The following MYO18A variants were observed in gnomAD, a reference collection of about 807,000 sequenced individuals.
MYO18A encodes the protein unconventional myosin-XVIIIa.
Under a neutral mutation model 235.8 loss-of-function variants are expected in MYO18A, and 78 were observed. That is an observed-to-expected ratio of 0.33 (90% CI 0.28 to 0.40). The LOEUF is 0.40. Among genes scored for constraint, MYO18A ranks in the 10% least tolerant of loss-of-function variants. The pLI is 1.00. For synonymous variants in MYO18A, 977 were observed against 1,077.8 expected (o/e 0.91, Z 1.83); for missense variants, 2,215 against 2,699.3 (o/e 0.82, Z 3.98).
In MYO18A at chr17:29,110,008, C is replaced by G; in HGVS notation, c.3181G>C (p.Ala1061Pro). ...CTGCTGCTGACTCGGCGGGAGGAGG[C>G]GGAACGGGGCTCCCCAGCCCAGCCC... Reference protein sequence around the residue: ...AEGWAGEPRSASSRRVSSSSE... With the variant: ...AEGWAGEPRSPSSRRVSSSSE... Residue 1061 changes from alanine to proline, a missense_variant, in exon 19 of 42, where the codon GCC becomes CCC. By Grantham distance (27) the Ala-to-Pro change is conservative (BLOSUM62 -1). Transcript: ENST00000527372. 9.9e-6 allele frequency: 16 copies of G among 1,612,346 alleles called. No individual in the cohort carries two copies. The highest frequency in any genetic ancestry group is 1.4e-5 in the Non-Finnish European group (16 of 1,179,494).
At chr17:29,124,707 GGA>G (rs756058421) in intron 2 of MYO18A, 65 of 1,279,222 alleles carry the variant, frequency 5.1e-5, no homozygotes, top group Admixed American at 1.2e-4. Flanking sequence ...AGCAAGCAAA[GGA>G]GAGAGAGAGA....
chr17:29,074,015 G>A lies in MYO18A; in HGVS notation c.*755C>T, dbSNP rs763777919. 3 of 1,614,122 alleles carry A rather than the reference G, an allele frequency of 1.9e-6. No individual in the cohort carries two copies. Among genetic ancestry groups the A allele is most frequent in the Non-Finnish European group, 2.5e-6 (3 of 1,180,024 alleles). ...ACGCTGAGACAAAGAGGGTGGGGTG[G>A]GGGCTGGAGGTGCGGATGGTCCACA... On this transcript the variant is annotated 3_prime_UTR_variant, in exon 42 of 42. Transcript: ENST00000527372. This position sits in a 1 kb window ranked among gnomAD's most constrained non-coding sequence, Gnocchi z 4.4.
rs930673375 is a variant in MYO18A, at chr17:29,111,500, C to T, written c.2824G>A (p.Val942Met). 6 of 1,613,202 alleles carry T rather than the reference C, an allele frequency of 3.7e-6. No individual in the cohort carries two copies. The highest frequency in any genetic ancestry group is 1.1e-5 in the South Asian group (1 of 90,886). ...SHGTNWVEYN[V>M]TGWLNYTKQN... ...TTGGTGTAGTTCAGCCAGCCAGTCA[C>T]ATTGTACTCTACCCAGTTGGTGCCA... Residue 942 changes from valine (V) to methionine (M), a missense_variant, in exon 17 of 42, where the codon GTG (valine) becomes ATG (methionine). Transcript: ENST00000527372. This position sits in a 1 kb window ranked among gnomAD's most constrained non-coding sequence, Gnocchi z 5.1.
At chr17:29,082,238 C>G in intron 41 of MYO18A, 78 bp downstream of exon 41, 2 of 1,588,132 alleles carry the variant, frequency 1.3e-6, no homozygotes, top group East Asian at 4.5e-5. Context: ...GGCCTGCCCT[C>G]ATGGGATCCA....
chr17:29,122,490 C>G (rs575006382), intron 2 of MYO18A, among the ~76,000 whole-genome samples: 1 of 152,266 alleles, frequency 6.6e-6, no homozygotes, highest in South Asian at 2.1e-4. Flanking sequence ...GGCTAGAGAC[C>G]GTACCATCAG....
intron 2 of MYO18A, among the ~76,000 whole-genome samples, chr17:29,123,001 G>A (rs185977051): frequency 3.9e-4 from 59 of 152,360 alleles, no homozygotes; most frequent in African/African-American, 1.3e-3. Context: ...GGGGGTAGGG[G>A]CAGCCCTGCC....
At chr17:29,108,637 A>T (rs951731262) in intron 19 of MYO18A, among the ~76,000 whole-genome samples, 1 of 152,224 alleles carries the variant, frequency 6.6e-6, no homozygotes, top group Non-Finnish European at 1.5e-5. Context: ...TGGCTCTGGG[A>T]AACCCTCCAG....
At chr17:29,082,542 G>A (rs2066147043) in intron 40 of MYO18A, 104 bp from the exon 41 acceptor site, 1 of 1,227,636 alleles carries the variant, frequency 8.1e-7, no homozygotes, top group African/African-American at 1.5e-5. Flanking sequence ...GGGGATGTGG[G>A]CAGCATGCAC....
intron 1 of MYO18A, among the ~76,000 whole-genome samples, chr17:29,170,876 A>G (rs551949733): frequency 7.9e-5 from 12 of 152,328 alleles, no homozygotes; most frequent in South Asian, 2.1e-4. Context: ...ATGGAATACT[A>G]CTCAGCAAGA....
intron 2 of MYO18A, chr17:29,133,973 G>T: frequency 1.6e-6 from 1 of 628,918 alleles, no homozygotes; most frequent in Non-Finnish European, 2.4e-6. Context: ...GGGATGGAGT[G>T]GAGGAGGAAG....
Position 29,117,225 on chromosome 17 carries a change from T to C in MYO18A, c.2039-770A>G, listed in dbSNP as rs777486889. Among the ~76,000 whole-genome samples the C allele has an allele frequency of 2.0e-5, 3 of 152,100 alleles. No homozygotes were observed. The highest frequency in any genetic ancestry group is 4.4e-5 in the Non-Finnish European group (3 of 68,018). ...CGCCATCCTCCAACGTAAGTCATCTTGAAGGATGGAGCAGAGCTCCTCCAA... is the reference window on the plus strand; with the variant it reads ...CGCCATCCTCCAACGTAAGTCATCTCGAAGGATGGAGCAGAGCTCCTCCAA... On this transcript the variant is annotated intron_variant, in intron 10 of 41. Coordinates refer to ENST00000527372, the MANE Select transcript of MYO18A (RefSeq NM_078471.4). This position sits in a 1 kb window ranked among gnomAD's most constrained non-coding sequence, Gnocchi z 4.6.
chr17:29,134,362 T>A (rs2067543852), intron 2 of MYO18A, among the ~76,000 whole-genome samples: 1 of 152,036 alleles, frequency 6.6e-6, no homozygotes, highest in South Asian at 2.1e-4. Flanking sequence ...GGATTACAGG[T>A]GTGAGCTGAC....
chr17:29,094,183 A>G, intron 30 of MYO18A, 93 bp from the exon 31 acceptor site: 1 of 883,120 alleles, frequency 1.1e-6, no homozygotes, highest in Non-Finnish European at 1.8e-6. Context: ...TCAGGGGCCG[A>G]GAACGTCCAC....
chr17:29,082,467 C>A, intron 40 of MYO18A, 29 bp from the exon 41 acceptor site: 1 of 1,606,916 alleles, frequency 6.2e-7, no homozygotes, highest in Non-Finnish European at 8.5e-7. Flanking sequence ...GAAAGGTAGA[C>A]AAGGCATAGG....
At chr17:29,119,528 T>C in intron 7 of MYO18A, 93 bp from the exon 8 acceptor site, 2 of 822,352 alleles carry the variant, frequency 2.4e-6, no homozygotes, top group African/African-American at 1.8e-5. Flanking sequence ...CATGGTCCTC[T>C]AGGCCCTGGG....
At chr17:29,123,873 C>T (rs1157511928) in intron 2 of MYO18A, among the ~76,000 whole-genome samples, 1 of 152,034 alleles carries the variant, frequency 6.6e-6, no homozygotes, top group East Asian at 1.9e-4. Flanking sequence ...ACAGTGAAAC[C>T]CTGTCTCCAC....
intron 2 of MYO18A, among the ~76,000 whole-genome samples, chr17:29,148,292 C>T (rs1348543561): frequency 1.3e-5 from 2 of 152,136 alleles, no homozygotes; most frequent in Non-Finnish European, 2.9e-5. Flanking sequence ...TTATATGATC[C>T]TTGTATTACA....
Position 29,111,383 on chromosome 17 carries a change from TC to T in MYO18A, c.2900+40del. ...GGAGGGAGCCCCAAAATCAAAACAG[TC>T]CTGGGTACAGAACAGGGGCGGAGGG... On this transcript the variant is annotated intron_variant, in intron 17 of 41. Transcript: ENST00000527372. The surrounding 1 kb of genome is among the most constrained non-coding windows in gnomAD (Gnocchi z 5.1). 2 of 1,599,700 alleles carry T rather than the reference TC, an allele frequency of 1.3e-6. No individual in the cohort carries two copies. Among genetic ancestry groups the T allele is most frequent in the Non-Finnish European group, 1.7e-6 (2 of 1,173,152 alleles).
Position 29,119,392 on chromosome 17 carries a change from C to T in MYO18A, c.1772G>A (p.Ser591Asn). Residue 591 changes from serine to asparagine, a missense_variant, in exon 8 of 42, where the codon AGT becomes AAT. Coordinates refer to ENST00000527372, the MANE Select transcript of MYO18A (RefSeq NM_078471.4). ...EKLRVARRPA[S>N]EATFNVFYYL... ...GTAGAAGACGTTGAATGTGGCTTCA[C>T]TGGCTGGGCGCCGAGCCACACGCAG... is the stretch of plus-strand genomic sequence containing the variant. The T allele has an allele frequency of 6.2e-7, 1 of 1,612,028 alleles. No homozygotes were observed. Among genetic ancestry groups the T allele is most frequent in the Non-Finnish European group, 8.5e-7 (1 of 1,179,448 alleles).
Sources: allele counts gnomAD v4.1 joint callset (sites outside exome capture counted in the v4.1 genomes callset), GRCh38; gene constraint gnomAD v4.1.1; non-coding constraint Gnocchi (gnomAD v3.1); transcripts MANE v1.5; gene names NCBI Gene and HGNC (gene_info 2026-07-23, HGNC 2026-07-21).